Variants in PRKAR2A observed in about 807,000 individuals in gnomAD.
PRKAR2A encodes the protein cAMP-dependent protein kinase type II-alpha regulatory subunit.
PRKAR2A carries 29 observed loss-of-function variants against 51.9 expected under a neutral mutation model. That is an observed-to-expected ratio of 0.56 (90% confidence interval 0.42 to 0.76). The LOEUF is 0.76. Among genes scored for constraint, PRKAR2A ranks in the 30% least tolerant of loss-of-function variants. The pLI, the probability that PRKAR2A is intolerant of heterozygous loss-of-function variation, is 0.00. For missense variants in PRKAR2A, 445 were observed against 512.1 expected (o/e 0.87, Z 1.26); for synonymous variants, 178 against 186.2 (o/e 0.96, Z 0.36).
intron 5 of PRKAR2A, 132 bp from the exon 6 acceptor site, chr3:48,773,240 A>G (rs760229351): frequency 4.0e-5 from 28 of 706,520 alleles, no homozygotes; most frequent in Non-Finnish European, 5.4e-5. Flanking sequence ...TAAAAAAAAC[A>G]TATTTTTGTA....
Position 48,841,502 on chromosome 3 carries a change from C to T in PRKAR2A, c.262+5833G>A, listed in dbSNP as rs550545064. On this transcript the variant is annotated intron_variant, in intron 1 of 10. Coordinates refer to ENST00000265563, the MANE Select transcript of PRKAR2A (RefSeq NM_004157.4). ...GAGGTTGCAATGAACCAAGATCCCG[C>T]CACTACACTCCAGCCTGGGTGACAG... is the stretch of plus-strand genomic sequence containing the variant. Among the ~76,000 whole-genome samples the T allele has an allele frequency of 4.7e-3, 688 of 146,058 alleles. 5 individuals are homozygous for T. Among genetic ancestry groups the T allele is most frequent in the African/African-American group, 0.017 (658 of 39,266 alleles).
At chr3:48,812,546 A>G (rs1324389499) in intron 1 of PRKAR2A, among the ~76,000 whole-genome samples, 1 of 150,276 alleles carries the variant, frequency 6.7e-6, no homozygotes, top group African/African-American at 2.5e-5. Flanking sequence ...GCAGTGGCAC[A>G]ATCTTGGCTC....
intron 5 of PRKAR2A, 77 bp downstream of exon 5, chr3:48,782,909 G>A: frequency 9.3e-7 from 1 of 1,077,626 alleles, no homozygotes; most frequent in South Asian, 1.3e-5. Flanking sequence ...GCTGAATACA[G>A]AATAGGATAA....
intron 1 of PRKAR2A, among the ~76,000 whole-genome samples, chr3:48,823,441 G>GA (rs571107988): frequency 1.7e-3 from 244 of 147,644 alleles, no homozygotes; most frequent in Middle Eastern, 0.01. Context: ...GTGTGTGGAG[G>GA]AAAAAAAAAC....
At chr3:48,775,262 A>C (rs2082088598) in intron 5 of PRKAR2A, among the ~76,000 whole-genome samples, 1 of 151,874 alleles carries the variant, frequency 6.6e-6, no homozygotes, top group Admixed American at 6.6e-5. Flanking sequence ...AATCTGGTGA[A>C]ACCCCGTCTC....
At chr3:48,815,695 C>A (rs985233191) in intron 1 of PRKAR2A, among the ~76,000 whole-genome samples, 2 of 121,788 alleles carry the variant, frequency 1.6e-5, no homozygotes, top group South Asian at 2.5e-4. Context: ...TCTGTCTCAG[C>A]GGAAAAAAAA....
intron 1 of PRKAR2A, among the ~76,000 whole-genome samples, chr3:48,816,769 A>G (rs965595936): frequency 6.6e-6 from 1 of 152,218 alleles, no homozygotes. Flanking sequence ...CTCTTTTTCC[A>G]GGGCAACCAC....
At chr3:48,846,530 T>C (rs538577490) in intron 1 of PRKAR2A, among the ~76,000 whole-genome samples, 2 of 152,314 alleles carry the variant, frequency 1.3e-5, no homozygotes, top group African/African-American at 4.8e-5. Context: ...TTTTTCGTTT[T>C]CAAAAATGAG....
intron 1 of PRKAR2A, among the ~76,000 whole-genome samples, chr3:48,821,058 A>G (rs2082951481): frequency 6.6e-6 from 1 of 152,176 alleles, no homozygotes; most frequent in Non-Finnish European, 1.5e-5. Context: ...ATTTACTCCT[A>G]AACACAGACT....
At position 48,816,416 on chromosome 3, in the gene PRKAR2A, G is replaced by A. The variant is rs752167622; in HGVS notation, c.263-8732C>T. Among the ~76,000 whole-genome samples the A allele has an allele frequency of 4.6e-5, 7 of 152,162 alleles. No individual in the cohort carries two copies. The South Asian group carries it at 1.5e-3, about 32-fold the overall frequency. ...TTTACTAACTGGGGCCGAGGCAGGC[G>A]GATCACAAGGTCAAGAGATAGAGAC... On this transcript the variant is annotated intron_variant, in intron 1 of 10. Transcript: ENST00000265563.
intron 1 of PRKAR2A, among the ~76,000 whole-genome samples, chr3:48,844,067 A>C (rs1559656306): frequency 2.0e-5 from 3 of 151,474 alleles, no homozygotes; most frequent in Non-Finnish European, 4.4e-5. Context: ...AAATGGGAGA[A>C]AATTTTCGCA....
chr3:48,762,503 C>T (rs1411416858), intron 8 of PRKAR2A, among the ~76,000 whole-genome samples: 1 of 152,158 alleles, frequency 6.6e-6, no homozygotes, highest in Non-Finnish European at 1.5e-5. Flanking sequence ...GGCAGAGTGA[C>T]ACGTGCCTCT....
chr3:48,799,916 A>G (rs1183967427), intron 2 of PRKAR2A, among the ~76,000 whole-genome samples: 1 of 152,026 alleles, frequency 6.6e-6, no homozygotes, highest in Non-Finnish European at 1.5e-5. Context: ...CTGCAGTGCA[A>G]TGGCACAGTC....
intron 1 of PRKAR2A, among the ~76,000 whole-genome samples, chr3:48,817,586 G>T (rs1249253142): frequency 1.3e-5 from 2 of 151,520 alleles, no homozygotes; most frequent in East Asian, 3.8e-4. Flanking sequence ...GGTGGAGGTT[G>T]CAGTGAGCCA....
At chr3:48,797,974 C>T (rs1431062519) in intron 2 of PRKAR2A, among the ~76,000 whole-genome samples, 1 of 152,058 alleles carries the variant, frequency 6.6e-6, no homozygotes, top group African/African-American at 2.4e-5. Context: ...TTTTTTGAGA[C>T]ACAGTTTTGC....
chr3:48,822,856 C>T (rs1490038219), intron 1 of PRKAR2A, among the ~76,000 whole-genome samples: 1 of 151,552 alleles, frequency 6.6e-6, no homozygotes, highest in Non-Finnish European at 1.5e-5. Context: ...AGGCTGAAAA[C>T]CACTGCTATA....
At chr3:48,813,074 T>C (rs1306891741) in intron 1 of PRKAR2A, among the ~76,000 whole-genome samples, 1 of 151,976 alleles carries the variant, frequency 6.6e-6, no homozygotes, top group Non-Finnish European at 1.5e-5. Context: ...AAAAGTCCAT[T>C]TGCATAGAAA....
chr3:48,767,988 T>A (rs555561802), intron 6 of PRKAR2A, among the ~76,000 whole-genome samples: 4 of 150,452 alleles, frequency 2.7e-5, no homozygotes, highest in South Asian at 4.2e-4. Context: ...TTTATTTATT[T>A]AAAAAAAACC....
intron 2 of PRKAR2A, among the ~76,000 whole-genome samples, chr3:48,802,610 C>T (rs1328320063): frequency 2.0e-5 from 3 of 152,040 alleles, no homozygotes; most frequent in Non-Finnish European, 4.4e-5. Flanking sequence ...GGCTGAGGTA[C>T]AGGAATCACT....
Sources: gnomAD v4.1 joint callset for allele counts (sites outside exome capture counted in the v4.1 genomes callset) on GRCh38, gnomAD v4.1.1 for gene constraint, MANE v1.5 for transcripts, NCBI Gene and HGNC (gene_info 2026-07-23, HGNC 2026-07-21) for gene names.